Variants in HHLA2 observed in about 807,000 individuals in gnomAD.
HHLA2 encodes HHLA2 member of B7 family.
HHLA2 carries 48 observed loss-of-function variants against 45.9 expected under a neutral mutation model. The ratio of observed to expected loss-of-function variants is 1.05; its 90% confidence interval spans 0.83 to 1.33. The LOEUF is 1.33. Among genes scored for constraint, HHLA2 ranks in the 40% most tolerant of loss-of-function variants. The probability of loss-of-function intolerance (pLI) is 0.00; values close to 1 mark genes in which losing one functional copy is unlikely to be tolerated. For synonymous variants in HHLA2, 161 were observed against 173.9 expected, an observed-to-expected ratio of 0.93 and a Z score of 0.59; for missense variants, 462 against 494.3, an observed-to-expected ratio of 0.93 and a Z score of 0.62.
intron 6 of HHLA2, among the ~76,000 whole-genome samples, chr3:108,357,008 G>C (rs1229890156): frequency 6.6e-6 from 1 of 152,324 alleles, no homozygotes; most frequent in East Asian, 1.9e-4. Flanking sequence ...TGGATCAAGA[G>C]ATGAACCTGG....
chr3:108,336,153 A>T (rs979877120), intron 3 of HHLA2, among the ~76,000 whole-genome samples: 1 of 152,146 alleles, frequency 6.6e-6, no homozygotes, highest in Admixed American at 6.6e-5. Flanking sequence ...AAGGCAATGG[A>T]CTAATTAAAA....
At chr3:108,346,450 G>C (rs1339051789) in intron 3 of HHLA2, among the ~76,000 whole-genome samples, 1 of 152,168 alleles carries the variant, frequency 6.6e-6, no homozygotes, top group Non-Finnish European at 1.5e-5. Context: ...GAGCACTGTG[G>C]TGAGGCACAG....
At chr3:108,325,658 G>A (rs1226157345) in intron 2 of HHLA2, 1 of 241,212 alleles carries the variant, frequency 4.1e-6, no homozygotes, top group Non-Finnish European at 8.3e-6. Context: ...ATTGATTATT[G>A]TAATTGCCAA....
intron 3 of HHLA2, among the ~76,000 whole-genome samples, chr3:108,330,150 G>A (rs2081358875): frequency 6.6e-6 from 1 of 152,100 alleles, no homozygotes; most frequent in South Asian, 2.1e-4. Context: ...AAACCAAAAT[G>A]GAAGCCACAG....
chr3:108,373,130 C>G (rs1284452029), intron 8 of HHLA2, among the ~76,000 whole-genome samples: 1 of 152,130 alleles, frequency 6.6e-6, no homozygotes, highest in Non-Finnish European at 1.5e-5. Flanking sequence ...GCTTATCCAC[C>G]ATGATCAAGT....
intron 8 of HHLA2, among the ~76,000 whole-genome samples, chr3:108,362,830 T>C (rs2082003831): frequency 6.6e-6 from 1 of 152,196 alleles, no homozygotes; most frequent in African/African-American, 2.4e-5. Flanking sequence ...TCATCCTGCA[T>C]TGAAAAGTAA....
intron 7 of HHLA2, among the ~76,000 whole-genome samples, chr3:108,359,791 T>TC (rs1336714104): frequency 6.6e-6 from 1 of 152,140 alleles, no homozygotes; most frequent in South Asian, 2.1e-4. Flanking sequence ...GGTACAGTAG[T>TC]CCCCCCTTTC....
chr3:108,312,481 T>A (rs1283579667), intron 2 of HHLA2, among the ~76,000 whole-genome samples: 3 of 146,880 alleles, frequency 2.0e-5, no homozygotes, highest in African/African-American at 7.6e-5. Context: ...CTGCTGTGAG[T>A]GCTGGCTGCT....
intron 1 of HHLA2, 70 bp from the exon 2 acceptor site, chr3:108,310,585 C>G (rs928152436): frequency 3.3e-5 from 5 of 152,526 alleles, no homozygotes; most frequent in Non-Finnish European, 5.9e-5. Flanking sequence ...AACTGCATCC[C>G]ACATCCACAT....
intron 2 of HHLA2, among the ~76,000 whole-genome samples, chr3:108,327,135 T>C (rs1314534169): frequency 1.3e-5 from 2 of 152,338 alleles, no homozygotes; most frequent in African/African-American, 4.8e-5. Flanking sequence ...TTTTCTTTGA[T>C]CACTTAGAAT....
At chr3:108,320,798 G>C (rs987582181) in intron 2 of HHLA2, among the ~76,000 whole-genome samples, 4 of 151,992 alleles carry the variant, frequency 2.6e-5, no homozygotes, top group Admixed American at 6.6e-5. Flanking sequence ...TATTCAGAGG[G>C]AGAGACCATG....
chr3:108,363,601 T>C (rs570229055), intron 8 of HHLA2, among the ~76,000 whole-genome samples: 1 of 152,298 alleles, frequency 6.6e-6, no homozygotes, highest in African/African-American at 2.4e-5. Context: ...AGCAGGATAG[T>C]TCCTGTCCCT....
chr3:108,334,438 A>G (rs1200655160), intron 3 of HHLA2, among the ~76,000 whole-genome samples: 1 of 152,160 alleles, frequency 6.6e-6, no homozygotes, highest in African/African-American at 2.4e-5. Flanking sequence ...ATAGCCTAGG[A>G]TGTGGTGTTG....
intron 4 of HHLA2, among the ~76,000 whole-genome samples, chr3:108,352,578 T>C (rs2081800550): frequency 6.6e-6 from 1 of 152,204 alleles, no homozygotes; most frequent in Non-Finnish European, 1.5e-5. Flanking sequence ...GGGCACAAGA[T>C]CTACTTAAAA....
intron 3 of HHLA2, among the ~76,000 whole-genome samples, chr3:108,347,084 G>T (rs2081674419): frequency 6.6e-6 from 1 of 152,040 alleles, no homozygotes; most frequent in Non-Finnish European, 1.5e-5. Context: ...ATTGCAACTT[G>T]GGCAACTTCA....
chr3:108,342,552 A>G (rs1383968774), intron 3 of HHLA2, among the ~76,000 whole-genome samples: 1 of 152,010 alleles, frequency 6.6e-6, no homozygotes, highest in Non-Finnish European at 1.5e-5. Flanking sequence ...GGCATGAGCC[A>G]CTGCGCCTGG....
intron 8 of HHLA2, among the ~76,000 whole-genome samples, chr3:108,364,438 G>A (rs1469238028): frequency 1.3e-5 from 2 of 152,138 alleles, no homozygotes; most frequent in African/African-American, 4.8e-5. Context: ...ATTGTGCATA[G>A]TGCTGCAATA....
chr3:108,353,781 G>A lies in HHLA2; in HGVS notation c.418+1G>A. The A allele has an allele frequency of 6.3e-7, 1 of 1,597,220 alleles. No homozygotes were observed. Among genetic ancestry groups the A allele is most frequent in the South Asian group, 1.1e-5 (1 of 89,122 alleles). ...AACAAAGTGGTGCTAAAGGTGGGAG[G>A]TAAGTGTGCATGTAAAGTTTCATGA... On this transcript the variant is annotated splice_donor_variant, in intron 5 of 10. Coordinates refer to ENST00000619531, the Ensembl canonical transcript of HHLA2. LOFTEE classifies it high-confidence loss of function.
intron 3 of HHLA2, 73 bp from the exon 3 acceptor site, chr3:108,351,715 A>C: frequency 1.2e-6 from 1 of 836,180 alleles, no homozygotes; most frequent in Non-Finnish European, 1.9e-6. Context: ...TATTTGTATG[A>C]ATGTACCACT....
Sources: allele counts gnomAD v4.1 joint callset (sites outside exome capture counted in the v4.1 genomes callset), GRCh38; gene constraint gnomAD v4.1.1; transcripts MANE v1.5; gene names NCBI Gene and HGNC (gene_info 2026-07-23, HGNC 2026-07-21).